Variants in SUGCT observed in about 807,000 individuals in gnomAD.
The protein encoded by SUGCT is succinyl-CoA:glutarate CoA-transferase.
In SUGCT, 41 loss-of-function variants were observed where a neutral mutation model predicts 55.0. That is an observed-to-expected ratio of 0.74 (90% CI 0.58 to 0.97). The LOEUF is 0.97. SUGCT is among the 50% of genes least tolerant of loss of function. The pLI, the probability that SUGCT is intolerant of heterozygous loss-of-function variation, is 0.00. For synonymous variants in SUGCT, 187 were observed against 200.4 expected (o/e 0.93, Z 0.56); for missense variants, 568 against 547.8 (o/e 1.04, Z -0.37).
At chr7:40,451,969 A>G (rs960474835) in intron 10 of SUGCT, among the ~76,000 whole-genome samples, 12 of 152,250 alleles carry the variant, frequency 7.9e-5, no homozygotes, top group Admixed American at 5.9e-4. Context: ...ACACTCCATC[A>G]GGAAAGATGG....
chr7:40,389,921 A>T (rs1444268131), intron 9 of SUGCT, among the ~76,000 whole-genome samples: 1 of 152,198 alleles, frequency 6.6e-6, no homozygotes, highest in Non-Finnish European at 1.5e-5. Flanking sequence ...CAGCACATCA[A>T]AAAGCTTATC....
Position 40,749,533 on chromosome 7 carries a change from C to G in SUGCT, c.1153+36C>G, listed in dbSNP as rs1562979680. The stretch of plus-strand genomic sequence containing the variant: ...TTTTGGTATTTTCTCTAGCACCTTT[C>G]TTTATTAATTGTCCCATATGCTGTT... On this transcript the variant is annotated intron_variant, in intron 13 of 13. Coordinates refer to ENST00000335693, the MANE Select transcript of SUGCT (RefSeq NM_001193313.2). 3 of 1,540,884 alleles carry G rather than the reference C, an allele frequency of 1.9e-6. No individual in the cohort carries two copies. The South Asian group carries it at 3.4e-5, about 17-fold the overall frequency.
chr7:40,410,157 C>A (rs1786594662), intron 9 of SUGCT, among the ~76,000 whole-genome samples: 1 of 152,116 alleles, frequency 6.6e-6, no homozygotes, highest in African/African-American at 2.4e-5. Context: ...TATGTCATAA[C>A]TGGCCACATC....
the SUGCT span, among the ~76,000 whole-genome samples, chr7:40,895,279 A>G: frequency 6.6e-6 from 1 of 152,104 alleles, no homozygotes; most frequent in East Asian, 1.9e-4. Context: ...CATGGACACC[A>G]AGGAGGGAAA....
chr7:40,399,668 G>A (rs1785954746), intron 9 of SUGCT, among the ~76,000 whole-genome samples: 1 of 152,164 alleles, frequency 6.6e-6, no homozygotes, highest in African/African-American at 2.4e-5. Context: ...CAAAGGACTG[G>A]ATAATGAAAT....
chr7:40,788,988 G>A (rs1386554869), intron 13 of SUGCT, among the ~76,000 whole-genome samples: 1 of 152,198 alleles, frequency 6.6e-6, no homozygotes, highest in Non-Finnish European at 1.5e-5. Flanking sequence ...CCTGCTTCAA[G>A]TGAGCCAGGA....
intron 12 of SUGCT, among the ~76,000 whole-genome samples, chr7:40,631,170 A>T (rs1227059440): frequency 6.6e-6 from 1 of 152,220 alleles, no homozygotes; most frequent in Admixed American, 6.5e-5. Context: ...TGTTTTCATG[A>T]GCACTCTATT....
Position 40,860,669 on chromosome 7 carries a change from G to A in SUGCT, c.*190G>A, listed in dbSNP as rs1019000027. 4 of 438,854 alleles carry A rather than the reference G, an allele frequency of 9.1e-6. No homozygotes were observed. Among genetic ancestry groups the A allele is most frequent in the East Asian group, 3.7e-5 (1 of 27,386 alleles). 27.2% of individuals were successfully genotyped at this position (438,854 alleles called of 1,614,324 possible). A position where few individuals can be genotyped will look rare whatever the true frequency, so the allele number is the denominator to read the frequency against. On this transcript the variant is annotated 3_prime_UTR_variant, in exon 14 of 14. Coordinates refer to ENST00000335693, the MANE Select transcript of SUGCT (RefSeq NM_001193313.2). ...CTAGTGCCTTTTAAATGTATCCCAC[G>A]TTTTGTTCCCTACCATCTTTTTTTT... is the stretch of plus-strand genomic sequence containing the variant.
intron 13 of SUGCT, among the ~76,000 whole-genome samples, chr7:40,821,695 T>C (rs984016600): frequency 7.9e-5 from 12 of 152,234 alleles, no homozygotes; most frequent in African/African-American, 1.7e-4. Flanking sequence ...GTCAATTTTG[T>C]TGATCTTTTC....
At chr7:40,311,469 C>G (rs1357098855) in intron 8 of SUGCT, among the ~76,000 whole-genome samples, 1 of 152,206 alleles carries the variant, frequency 6.6e-6, no homozygotes, top group Non-Finnish European at 1.5e-5. Context: ...AAGAATGGCT[C>G]CTTACCATTA....
In SUGCT at chr7:40,359,164, C is replaced by CATGTATGT. The variant is rs112419807; in HGVS notation, c.816+42328_816+42335dup. Among the ~76,000 whole-genome samples the CATGTATGT allele has an allele frequency of 2.4e-3, 368 of 151,904 alleles. 12 individuals are homozygous for CATGTATGT. In the South Asian group the frequency reaches 0.058, roughly 24 times the overall value. ...GTTCTGTCATGTATGTATGTATGTA[C>CATGTATGT]ATGTATGTATGTATGTATGTATGTA... On this transcript the variant is annotated intron_variant, in intron 9 of 13. Coordinates refer to ENST00000335693, the MANE Select transcript of SUGCT (RefSeq NM_001193313.2).
intron 12 of SUGCT, among the ~76,000 whole-genome samples, chr7:40,540,574 G>A (rs1319561860): frequency 1.3e-5 from 2 of 152,216 alleles, no homozygotes; most frequent in African/African-American, 4.8e-5. Context: ...TGGCTGCTAG[G>A]TAAATGCCTA....
chr7:40,734,450 A>G (rs1787057029), intron 12 of SUGCT, among the ~76,000 whole-genome samples: 1 of 152,220 alleles, frequency 6.6e-6, no homozygotes, highest in South Asian at 2.1e-4. Context: ...GTGTCTTCAT[A>G]TATAAAATAG....
chr7:40,144,089 G>A (rs1169453212), intron 1 of SUGCT, among the ~76,000 whole-genome samples: 1 of 152,140 alleles, frequency 6.6e-6, no homozygotes, highest in African/African-American at 2.4e-5. Flanking sequence ...ACACTGGGGG[G>A]CAAGACTCCT....
intron 13 of SUGCT, among the ~76,000 whole-genome samples, chr7:40,780,612 T>C (rs1348829187): frequency 2.0e-5 from 3 of 152,176 alleles, no homozygotes; most frequent in Non-Finnish European, 2.9e-5. Context: ...GATTCTCCTT[T>C]GCTGACAGTA....
intron 12 of SUGCT, among the ~76,000 whole-genome samples, chr7:40,629,872 G>C (rs554511869): frequency 2.9e-4 from 44 of 152,294 alleles, no homozygotes; most frequent in Non-Finnish European, 5.3e-4. Context: ...TAATCCACAA[G>C]AGGAGCTCAT....
At chr7:40,514,550 A>C (rs1793126508) in intron 12 of SUGCT, among the ~76,000 whole-genome samples, 1 of 151,974 alleles carries the variant, frequency 6.6e-6, no homozygotes, top group Non-Finnish European at 1.5e-5. Flanking sequence ...GTCTATTAAA[A>C]AGACAAAAAA....
intron 9 of SUGCT, among the ~76,000 whole-genome samples, chr7:40,370,935 A>C (rs1784266849): frequency 6.6e-6 from 1 of 152,124 alleles, no homozygotes; most frequent in East Asian, 1.9e-4. Context: ...CATCTTAGTT[A>C]ACTCTCAGTA....
chr7:40,790,645 T>C (rs1485393637), intron 13 of SUGCT, among the ~76,000 whole-genome samples: 2 of 152,254 alleles, frequency 1.3e-5, no homozygotes, highest in Non-Finnish European at 2.9e-5. Flanking sequence ...AAATGCAATC[T>C]TGAAATAATT....
Sources: allele counts gnomAD v4.1 joint callset (sites outside exome capture counted in the v4.1 genomes callset), GRCh38; gene constraint gnomAD v4.1.1; transcripts MANE v1.5; gene names NCBI Gene and HGNC (gene_info 2026-07-23, HGNC 2026-07-21).